NLRP13: variants seen among roughly 807,000 people sequenced by gnomAD.
NLRP13 encodes NLR family pyrin domain containing 13, also known as NACHT, LRR and PYD domains-containing protein 13.
Under a neutral mutation model 94.4 loss-of-function variants are expected in NLRP13, and 82 were observed. The ratio of observed to expected loss-of-function variants is 0.87; its 90% confidence interval spans 0.73 to 1.04. NLRP13 has a LOEUF of 1.04. Among genes scored for constraint, NLRP13 ranks in the 50% least tolerant of loss-of-function variants. The probability of loss-of-function intolerance (pLI) is 0.00; values close to 1 mark genes in which losing one functional copy is unlikely to be tolerated. For missense variants in NLRP13, 1,426 were observed against 1,230.8 expected, an observed-to-expected ratio of 1.16 and a Z score of -2.37; for synonymous variants, 553 against 464.7, an observed-to-expected ratio of 1.19 and a Z score of -2.45.
At chr19:55,897,898 T>C (rs577900016) in intron 10 of NLRP13, among the ~76,000 whole-genome samples, 364 of 152,296 alleles carry the variant, frequency 2.4e-3, no homozygotes, top group African/African-American at 8.3e-3. Context: ...ACTGAGCTAA[T>C]GGAACCATTC....
At chr19:55,902,507 G>A (rs143702554) in intron 8 of NLRP13, among the ~76,000 whole-genome samples, 5 of 152,156 alleles carry the variant, frequency 3.3e-5, no homozygotes, top group African/African-American at 7.2e-5. Flanking sequence ...CCAGTTGGGC[G>A]TGGGTCCAAA....
At chr19:55,925,308 C>A (rs1986941629) in intron 1 of NLRP13, among the ~76,000 whole-genome samples, 1 of 152,244 alleles carries the variant, frequency 6.6e-6, no homozygotes, top group African/African-American at 2.4e-5. Flanking sequence ...AGCTCACTCT[C>A]AAGGCTCTGC....
At chr19:55,916,994 C>A (rs957202390) in intron 4 of NLRP13, among the ~76,000 whole-genome samples, 1 of 152,100 alleles carries the variant, frequency 6.6e-6, no homozygotes, top group Non-Finnish European at 1.5e-5. Context: ...ACCTATGAAG[C>A]AAAACCCATC....
At position 55,913,130 on chromosome 19, in the gene NLRP13, C is replaced by T. The variant is rs1377604216; in HGVS notation, c.687G>A (p.Gln229=). 16 of 1,614,046 alleles carry T rather than the reference C, an allele frequency of 9.9e-6. No individual in the cohort carries two copies. Among genetic ancestry groups the T allele is most frequent in the Admixed American group, 6.7e-5 (4 of 60,000 alleles). The change falls in exon 5 of 11, where the codon CAG becomes CAA. Residue 229 remains glutamine (Q), a synonymous_variant. Coordinates refer to ENST00000342929, the MANE Select transcript of NLRP13 (RefSeq NM_176810.2). ...LDPNRTRAQA[Q]TIVLVGRAGV... is the part of the protein sequence containing the mutation. ...CTGCCCTCCCCACCAAGACTATCGT[C>T]TGGGCCTGGGCTCTAGTCCTATTAG...
chr19:55,904,250 T>C (rs1986272681), intron 8 of NLRP13, among the ~76,000 whole-genome samples: 1 of 152,092 alleles, frequency 6.6e-6, no homozygotes, highest in Non-Finnish European at 1.5e-5. Context: ...CATGCCCGAC[T>C]AATTTTTTGT....
intron 4 of NLRP13, 78 bp from the exon 5 acceptor site, chr19:55,913,371 C>T (rs1600270250): frequency 1.4e-6 from 2 of 1,436,830 alleles, no homozygotes; most frequent in East Asian, 2.3e-5. Flanking sequence ...AAAGTTCCTA[C>T]CCCAAAGACT....
At chr19:55,907,428 T>C (rs1986385775) in intron 7 of NLRP13, among the ~76,000 whole-genome samples, 2 of 152,012 alleles carry the variant, frequency 1.3e-5, no homozygotes, top group Admixed American at 1.3e-4. Flanking sequence ...AAAAATTCAC[T>C]GGGTGTGGTG....
chr19:55,902,282 C>T (rs1986207975), intron 8 of NLRP13, 77 bp from the exon 9 acceptor site: 4 of 1,259,974 alleles, frequency 3.2e-6, no homozygotes, highest in Non-Finnish European at 3.2e-6. Flanking sequence ...AGCCTCAGGG[C>T]CCCCTCCGAG....
At chr19:55,913,476 G>C (rs1986590357) in intron 4 of NLRP13, among the ~76,000 whole-genome samples, 183 bp from the exon 5 acceptor site, 1 of 146,538 alleles carries the variant, frequency 6.8e-6, no homozygotes, top group Non-Finnish European at 1.5e-5. Flanking sequence ...CGTGAACCCG[G>C]GAGGCGGAGG....
In NLRP13 at chr19:55,910,424, T is replaced by A. The variant is rs566366985; in HGVS notation, c.2282+139A>T. On this transcript the variant is annotated intron_variant, in intron 6 of 10. Coordinates refer to ENST00000342929, the MANE Select transcript of NLRP13 (RefSeq NM_176810.2). ...CTACTTTGCCCAAGTAGCAGTTTCA[T>A]AAATACAAGCACAGTTTATTTTATC... The A allele has an allele frequency of 1.2e-4, 91 of 775,584 alleles. 3 individuals are homozygous for A. The South Asian group carries it at 2.1e-3, about 18-fold the overall frequency. The allele number at this position is 775,584 out of a possible 1,614,324, so 48.0% of individuals were successfully genotyped here.
intron 10 of NLRP13, among the ~76,000 whole-genome samples, chr19:55,898,368 C>T (rs1002849717): frequency 2.2e-4 from 33 of 152,194 alleles, no homozygotes; most frequent in Middle Eastern, 3.4e-3. Context: ...CACCTATACA[C>T]CCAGCTAATT....
intron 1 of NLRP13, among the ~76,000 whole-genome samples, chr19:55,926,415 G>A (rs887397985): frequency 2.6e-5 from 4 of 152,206 alleles, no homozygotes; most frequent in African/African-American, 9.7e-5. Flanking sequence ...AGCGAAGAGC[G>A]GGCATATGGA....
intron 8 of NLRP13, among the ~76,000 whole-genome samples, chr19:55,904,597 A>G (rs1326637890): frequency 6.6e-6 from 1 of 152,158 alleles, no homozygotes; most frequent in Admixed American, 6.5e-5. Flanking sequence ...TCACTCATAA[A>G]ACTATACCTT....
At chr19:55,899,908 A>G (rs1344001959) in intron 9 of NLRP13, among the ~76,000 whole-genome samples, 1 of 151,956 alleles carries the variant, frequency 6.6e-6, no homozygotes, top group South Asian at 2.1e-4. Flanking sequence ...GAGTTTAGAC[A>G]TGGTGGTCAA....
In NLRP13 at chr19:55,932,170, G is replaced by T. The variant is rs201349874; in HGVS notation, c.142C>A (p.Pro48Thr). The T allele has an allele frequency of 6.2e-7, 1 of 1,614,124 alleles. No homozygotes were observed. ...PQQLMDFWSA[P>T]QGHFPRIPWA... is the part of the protein sequence containing the mutation. ...GGGATACGCGGGAAGTGCCCCTGGGGGGCCGACCAGAAGTCCATCAGCTGC... is the reference window on the plus strand; with the variant it reads ...GGGATACGCGGGAAGTGCCCCTGGGTGGCCGACCAGAAGTCCATCAGCTGC... The change falls in exon 1 of 11, where the codon CCC becomes ACC. Residue 48 changes from proline (P) to threonine (T), a missense_variant. Transcript: ENST00000342929.
In NLRP13 at chr19:55,907,976, T is replaced by G; in HGVS notation, c.2283-20A>C. 2.5e-6 allele frequency: 4 copies of G among 1,584,672 alleles called. No homozygotes were observed. The highest frequency in any genetic ancestry group is 3.4e-6 in the Non-Finnish European group (4 of 1,162,998). On this transcript the variant is annotated intron_variant, in intron 6 of 10. Coordinates refer to ENST00000342929, the MANE Select transcript of NLRP13 (RefSeq NM_176810.2). ...TTGCACCTGAGGAAGGGAAGGGACA[T>G]GAAAGCTGGATTGGGGGAGAAGACT...
rs917149581 is a variant in NLRP13 at position 55,896,200 on chromosome 19, A to G, written c.2958-81T>C. The stretch of plus-strand genomic sequence containing the variant: ...GAAAAGAGATACCACATCTGCAGGA[A>G]AAAAACTATTACTAAAGCAGACTGC... On this transcript the variant is annotated intron_variant, in intron 10 of 10. Transcript: ENST00000342929. 1.6e-5 allele frequency: 24 copies of G among 1,478,842 alleles called. No individual in the cohort carries two copies. In the African/African-American group the frequency reaches 2.9e-4, roughly 18 times the overall value. 91.6% of individuals were successfully genotyped at this position (1,478,842 alleles called of 1,614,324 possible). A position where few individuals can be genotyped will look rare whatever the true frequency, so the allele number is the denominator to read the frequency against.
downstream of NLRP13, chr19:55,892,006 A>G: frequency 1.0e-6 from 1 of 955,052 alleles, no homozygotes; most frequent in Non-Finnish European, 1.4e-6. Flanking sequence ...TGGGATCACC[A>G]CCACCACTTG....
intron 6 of NLRP13, among the ~76,000 whole-genome samples, chr19:55,909,672 C>A (rs1226074824): frequency 1.3e-5 from 2 of 152,206 alleles, no homozygotes; most frequent in Admixed American, 6.5e-5. Flanking sequence ...TACACACACA[C>A]AAGTGGCTCT....
Sources: gnomAD v4.1 joint callset for allele counts (sites outside exome capture counted in the v4.1 genomes callset) on GRCh38, gnomAD v4.1.1 for gene constraint, MANE v1.5 for transcripts, NCBI Gene and HGNC (gene_info 2026-07-23, HGNC 2026-07-21) for gene names.